Variants in TTLL11 observed in about 807,000 individuals in gnomAD.
The protein encoded by TTLL11 is tubulin tyrosine ligase like 11.
In TTLL11, 42 loss-of-function variants were observed where a neutral mutation model predicts 51.7. That is an observed-to-expected ratio of 0.81 (90% CI 0.64 to 1.05). The LOEUF (loss-of-function observed/expected upper bound fraction) is 1.05, where lower values mean the gene tolerates loss of function less well. TTLL11 is among the 50% of genes least tolerant of loss of function. TTLL11 has a pLI of 0.00. For missense variants in TTLL11, 799 were observed against 940.4 expected (o/e 0.85, Z 1.97); for synonymous variants, 381 against 383.5 (o/e 0.99, Z 0.08).
At position 121,917,522 on chromosome 9, in the gene TTLL11, A is replaced by G. The variant is rs77107931; in HGVS notation, c.1482-46774T>C. 4.8e-3 allele frequency among the ~76,000 whole-genome samples: 684 copies of G among 141,284 alleles called. 5 individuals are homozygous for G. The highest frequency in any genetic ancestry group is 0.02 in the African/African-American group (655 of 32,714). The allele number at this position is 141,284 out of a possible 152,430, so 92.7% of individuals were successfully genotyped here. A position where few individuals can be genotyped will look rare whatever the true frequency, so the allele number is the denominator to read the frequency against. ...AAAGAAAAGAAGGAGAGAGAGAAAGAAAGGAAGGAAGGAAGGAAGGAAGAA... is the reference window on the plus strand; with the variant it reads ...AAAGAAAAGAAGGAGAGAGAGAAAGGAAGGAAGGAAGGAAGGAAGGAAGAA... On this transcript the variant is annotated intron_variant, in intron 6 of 8. Transcript: ENST00000321582.
At chr9:121,909,212 C>T (rs1345004687) in intron 6 of TTLL11, among the ~76,000 whole-genome samples, 1 of 152,192 alleles carries the variant, frequency 6.6e-6, no homozygotes, top group Non-Finnish European at 1.5e-5. Context: ...AGGGTTGTGA[C>T]CAACTCAGCA....
chr9:121,922,760 A>AGT lies in TTLL11; in HGVS notation c.1481+51247_1481+51248dup, dbSNP rs71370699. On this transcript the variant is annotated intron_variant, in intron 6 of 8. Coordinates refer to ENST00000321582, the MANE Select transcript of TTLL11 (RefSeq NM_001139442.2). ...TAGCGCAAAGGGTCAATATCTATTC[A>AGT]GTGTGTGTGTGTGTGTGTGTGTGTG... 4.5e-3 allele frequency among the ~76,000 whole-genome samples: 672 copies of AGT among 148,296 alleles called. 7 individuals carry two copies. The highest frequency in any genetic ancestry group is 0.021 in the Middle Eastern group (6 of 292).
intron 6 of TTLL11, among the ~76,000 whole-genome samples, chr9:121,901,845 TC>T (rs1253970421): frequency 2.0e-5 from 3 of 152,250 alleles, no homozygotes; most frequent in Non-Finnish European, 4.4e-5. Flanking sequence ...ACCTGTTCAC[TC>T]CCTCTGAAGC....
chr9:122,061,577 C>T (rs1436035501), intron 1 of TTLL11, among the ~76,000 whole-genome samples: 1 of 152,108 alleles, frequency 6.6e-6, no homozygotes, highest in Non-Finnish European at 1.5e-5. Context: ...AATGGTAGCT[C>T]ATTGTTATTT....
At chr9:121,963,625 C>T (rs1361617117) in intron 6 of TTLL11, 3 of 152,168 alleles carry the variant, frequency 2.0e-5, no homozygotes, top group Non-Finnish European at 4.4e-5. Flanking sequence ...CAGAGGGGCT[C>T]GGCTCCTGTC....
chr9:121,932,838 T>C (rs1841046594), intron 6 of TTLL11, among the ~76,000 whole-genome samples: 1 of 151,834 alleles, frequency 6.6e-6, no homozygotes, highest in South Asian at 2.1e-4. Flanking sequence ...ATGCGAAAAA[T>C]AAGCACACAT....
chr9:121,965,781 G>A (rs909560107), intron 6 of TTLL11, among the ~76,000 whole-genome samples: 2 of 152,154 alleles, frequency 1.3e-5, no homozygotes. Flanking sequence ...TCAATAAGAG[G>A]TGCCACCAAT....
At chr9:121,865,418 C>A (rs565644974) in intron 7 of TTLL11, among the ~76,000 whole-genome samples, 17 of 152,196 alleles carry the variant, frequency 1.1e-4, no homozygotes, top group Non-Finnish European at 2.1e-4. Context: ...GCTCACGATA[C>A]AGAGAAGATG....
chr9:122,084,943 C>T (rs946511573), intron 1 of TTLL11, among the ~76,000 whole-genome samples: 3 of 152,136 alleles, frequency 2.0e-5, no homozygotes, highest in East Asian at 1.9e-4. Flanking sequence ...TTTCCCGTGG[C>T]GATGTACATA....
intron 8 of TTLL11, among the ~76,000 whole-genome samples, chr9:121,827,819 C>T (rs979242861): frequency 4.9e-5 from 7 of 143,370 alleles, no homozygotes; most frequent in African/African-American, 7.6e-5. Flanking sequence ...GGGGATTGGG[C>T]GGGGAGGAGG....
At position 121,822,642 on chromosome 9, in the gene TTLL11, G is replaced by T. The variant is rs769902746; in HGVS notation, c.2078C>A (p.Pro693Gln). The change falls in exon 9 of 9, where the codon CCA becomes CAA. Residue 693 changes from proline (P) to glutamine (Q), a missense_variant. Physicochemically the swap from Pro to Gln is moderately conservative, Grantham distance 76 (BLOSUM62 -1). Coordinates refer to ENST00000321582, the MANE Select transcript of TTLL11 (RefSeq NM_001139442.2). The surrounding 1 kb of genome is among the most constrained non-coding windows in gnomAD (Gnocchi z 5.8). ...PSAQPAGDNP[P>Q]PRTSCANKLS... ...CTTATTGGCACAGCTGGTGCGGGGT[G>T]GGGGGTTGTCCCCTGCTGGCTGGGC... 3.2e-5 allele frequency: 49 copies of T among 1,515,194 alleles called. No homozygotes were observed. The highest frequency in any genetic ancestry group is 2.3e-4 in the Middle Eastern group (1 of 4,292). The allele number at this position is 1,515,194 out of a possible 1,614,324, so 93.9% of individuals were successfully genotyped here. A position where few individuals can be genotyped will look rare whatever the true frequency, so the allele number is the denominator to read the frequency against.
intron 1 of TTLL11, chr9:122,040,414 T>G (rs1844818439): frequency 2.0e-6 from 2 of 985,124 alleles, no homozygotes; most frequent in African/African-American, 3.5e-5. Context: ...ATCCTGTTGC[T>G]TCTCAAAGTT....
intron 6 of TTLL11, among the ~76,000 whole-genome samples, chr9:121,939,931 G>C (rs1002663871): frequency 6.6e-6 from 1 of 152,126 alleles, no homozygotes; most frequent in Non-Finnish European, 1.5e-5. Flanking sequence ...AGGGGAGCAG[G>C]GAAAGAGGCT....
intron 6 of TTLL11, among the ~76,000 whole-genome samples, chr9:121,950,168 C>T (rs755948419): frequency 6.6e-6 from 1 of 152,124 alleles, no homozygotes; most frequent in Non-Finnish European, 1.5e-5. Flanking sequence ...GACTCTTCAC[C>T]CAAGATTCAG....
chr9:121,944,465 G>A lies in TTLL11; in HGVS notation c.1481+29544C>T, dbSNP rs575305372. Among the ~76,000 whole-genome samples, 18 of 151,716 alleles carry A rather than the reference G, an allele frequency of 1.2e-4. No individual in the cohort carries two copies. In the South Asian group the frequency reaches 1.9e-3, roughly 16 times the overall value. On this transcript the variant is annotated intron_variant, in intron 6 of 8. Transcript: ENST00000321582. ...GGAGGTTGCAGTGAGCCGAGATCGC[G>A]CCACTGCACCCAGCCTGGGTGACAG...
intron 6 of TTLL11, among the ~76,000 whole-genome samples, chr9:121,922,596 G>A (rs1268320788): frequency 2.6e-5 from 4 of 152,150 alleles, no homozygotes; most frequent in African/African-American, 9.7e-5. Context: ...GGGTAAAATG[G>A]ATTTTTTTCT....
intron 6 of TTLL11, among the ~76,000 whole-genome samples, chr9:121,933,954 G>T (rs1294345613): frequency 1.3e-5 from 2 of 152,186 alleles, no homozygotes; most frequent in African/African-American, 4.8e-5. Context: ...GTCCAGCCGG[G>T]CGCTGTGGCT....
In TTLL11 at chr9:121,990,325, G is replaced by A. The variant is rs561692791; in HGVS notation, c.694-555C>T. Among the ~76,000 whole-genome samples, 5 of 152,326 alleles carry A rather than the reference G, an allele frequency of 3.3e-5. No individual in the cohort carries two copies. In the East Asian group the frequency reaches 9.6e-4, roughly 29 times the overall value. On this transcript the variant is annotated intron_variant, in intron 3 of 8. Coordinates refer to ENST00000321582, the MANE Select transcript of TTLL11 (RefSeq NM_001139442.2). ...CTGCAGCCTTGGACAAGTGACTTAA[G>A]TTATCTACACCCTTTCCATCTGTGA...
intron 6 of TTLL11, among the ~76,000 whole-genome samples, chr9:121,872,692 CG>C (rs1299748203): frequency 7.2e-5 from 11 of 152,178 alleles, no homozygotes; most frequent in Admixed American, 7.2e-4. Flanking sequence ...GGCCTATTCC[CG>C]GTTCCTCCTT....
Sources: gnomAD v4.1 joint callset for allele counts (sites outside exome capture counted in the v4.1 genomes callset) on GRCh38, gnomAD v4.1.1 for gene constraint, Gnocchi (gnomAD v3.1) non-coding constraint, MANE v1.5 for transcripts, NCBI Gene and HGNC (gene_info 2026-07-23, HGNC 2026-07-21) for gene names.